The following CYBB variants were observed in gnomAD, a reference collection of about 807,000 sequenced individuals.
CYBB encodes cytochrome b-245 beta chain.
In CYBB, 5 loss-of-function variants were observed where a neutral mutation model predicts 46.5. The ratio of observed to expected loss-of-function variants is 0.11; its 90% CI spans 0.06 to 0.23. The LOEUF is 0.23. Ranked by LOEUF, CYBB falls within the 10% of genes least tolerant of loss-of-function variation. The pLI is 1.00. For synonymous variants in CYBB, 183 were observed against 156.7 expected (o/e 1.17, Z -1.26); for missense variants, 307 against 428.3 (o/e 0.72, Z 2.50).
At chrX:37,786,745 C>T (rs1343506919) in intron 3 of CYBB, among the ~76,000 whole-genome samples, 1 of 111,186 alleles carries the variant, frequency 9.0e-6, no homozygotes, top group African/African-American at 3.3e-5. Context: ...TAATTTCTGT[C>T]TGGATGGCAG....
At chrX:37,786,642 C>A (rs1929072498) in intron 3 of CYBB, among the ~76,000 whole-genome samples, 1 of 111,306 alleles carries the variant, frequency 9.0e-6, no homozygotes, top group African/African-American at 3.3e-5. Flanking sequence ...GGCTCTCAGA[C>A]TGCTTTGTTG....
rs35080474 is a variant in CYBB at position 37,796,121 on chromosome X, C to A, written c.654C>A (p.Gly218=). The A allele has an allele frequency of 5.5e-4, 660 of 1,206,526 alleles. 1 individual carries two copies. The African/African-American group carries it at 0.011, about 19-fold the overall frequency. The change falls in exon 6 of 13, where the codon GGC becomes GGA. Residue 218 remains glycine (G), a synonymous_variant. Transcript: ENST00000378588. ...ATCTCTTTGTGATCTTCTTCATTGG[C>A]CTTGCCATCCATGGAGCTGAGTGAG... ...THHLFVIFFI[G]LAIHGAERIV...
chrX:37,785,803 G>A (rs999645311), intron 3 of CYBB, among the ~76,000 whole-genome samples: 1 of 111,776 alleles, frequency 8.9e-6, no homozygotes, highest in African/African-American at 3.3e-5. Flanking sequence ...TGAGAAACAG[G>A]CAATGTTTTC....
At chrX:37,783,092 G>A (rs1928988333) in intron 2 of CYBB, among the ~76,000 whole-genome samples, 1 of 111,431 alleles carries the variant, frequency 9.0e-6, no homozygotes, top group African/African-American at 3.3e-5. Flanking sequence ...TAAAGAGAAA[G>A]TGAACTGTTG....
intron 12 of CYBB, among the ~76,000 whole-genome samples, chrX:37,810,311 G>C (rs782341097): frequency 8.9e-6 from 1 of 111,952 alleles, no homozygotes; most frequent in South Asian, 3.7e-4. Context: ...GAAGATTTGA[G>C]GTAGGGCCAG....
chrX:37,804,357 C>T (rs1202833178), intron 9 of CYBB, among the ~76,000 whole-genome samples: 22 of 111,696 alleles, frequency 2.0e-4, no homozygotes, highest in African/African-American at 7.2e-4. Flanking sequence ...GAAATAAATA[C>T]TCCCAAATTC....
At position 37,804,083 on chromosome X, in the gene CYBB, T is replaced by C; in HGVS notation, c.1104T>C (p.Ala368=). ...ACTGGACAGAGGGGCTGTTCAATGCTTGTGGCTGTGATAAGCAGGAGTTTC... is the reference window on the plus strand; with the variant it reads ...ACTGGACAGAGGGGCTGTTCAATGCCTGTGGCTGTGATAAGCAGGAGTTTC... ...VGDWTEGLFN[A]CGCDKQEFQD... Residue 368 remains alanine (A), a synonymous_variant, in exon 9 of 13, where the codon GCT becomes GCC. Transcript: ENST00000378588. The C allele has an allele frequency of 8.3e-7, 1 of 1,211,030 alleles. No individual in the cohort carries two copies. Among genetic ancestry groups the C allele is most frequent in the Non-Finnish European group, 1.1e-6 (1 of 895,055 alleles).
intron 1 of CYBB, among the ~76,000 whole-genome samples, chrX:37,781,095 G>A (rs1014258925): frequency 3.6e-5 from 4 of 112,167 alleles, no homozygotes; most frequent in Admixed American, 9.4e-5. Flanking sequence ...AAATGTTTAC[G>A]CCAAACCAAC....
intron 11 of CYBB, among the ~76,000 whole-genome samples, chrX:37,807,293 T>C (rs1283991098): frequency 2.7e-5 from 3 of 109,924 alleles, no homozygotes; most frequent in African/African-American, 9.9e-5. Context: ...ATAACATACA[T>C]AAGCATATAA....
In CYBB at chrX:37,811,235, T is replaced by A. The variant is rs1418690953; in HGVS notation, c.*318T>A. On this transcript the variant is annotated 3_prime_UTR_variant, in exon 13 of 13. Transcript: ENST00000378588. ...GGATCAAAAGGTTCAGTAACTTCCC[T>A]AAGATTATGAAACTGTGACCAGATC... is the stretch of plus-strand genomic sequence containing the variant. The A allele has an allele frequency of 4.1e-6, 1 of 246,339 alleles. No homozygotes were observed. Among genetic ancestry groups the A allele is most frequent in the Non-Finnish European group, 7.4e-6 (1 of 134,769 alleles). The allele number at this position is 246,339 out of a possible 1,213,427, so 20.3% of individuals were successfully genotyped here. A position where few individuals can be genotyped will look rare whatever the true frequency, so the allele number is the denominator to read the frequency against.
intron 7 of CYBB, among the ~76,000 whole-genome samples, chrX:37,800,598 C>G (rs1929416263): frequency 9.0e-6 from 1 of 111,378 alleles, no homozygotes; most frequent in South Asian, 3.7e-4. Context: ...GGCTGAGTTT[C>G]AGGATGGATC....
rs1031833103 is a variant in CYBB, at chrX:37,805,144, C to A, written c.1290C>A (p.Asn430Lys). 8.3e-7 allele frequency: 1 copy of A among 1,211,015 alleles called. No individual in the cohort carries two copies. The highest frequency in any genetic ancestry group is 1.1e-6 in the Non-Finnish European group (1 of 895,057). Residue 430 changes from asparagine to lysine, a missense_variant, in exon 10 of 13, where the codon AAC becomes AAA. By Grantham distance (94) the Asn-to-Lys change is moderately conservative. Around this residue, in one of 3 missense-constraint regions of CYBB, gnomAD observed 122 missense variants for 208.3 expected, o/e 0.59. Transcript: ENST00000378588. ...LKSVWYKYCN[N>K]ATNLKLKKIY... ...CAGTCTGGTACAAATATTGCAATAA[C>A]GCCACCAATCTGAAGCTCAAAAAGG...
chrX:37,803,814 G>A, intron 8 of CYBB, 63 bp from the exon 9 acceptor site: 1 of 1,155,577 alleles, frequency 8.7e-7, no homozygotes, highest in South Asian at 1.8e-5. Context: ...TTATCCATAT[G>A]GACACTAAAA....
chrX:37,780,166 G>A (rs369598277), intron 1 of CYBB, 44 bp downstream of exon 1: 36 of 1,095,502 alleles, frequency 3.3e-5, no homozygotes, highest in African/African-American at 9.1e-5. Flanking sequence ...CTGACTTCTC[G>A]GGGTTATCTT....
chrX:37,797,381 T>A (rs1407519577), intron 6 of CYBB, among the ~76,000 whole-genome samples: 1 of 111,794 alleles, frequency 8.9e-6, no homozygotes, highest in Non-Finnish European at 1.9e-5. Context: ...ACTTTCTGTT[T>A]GTATGGTTTC....
At chrX:37,790,990 A>C (rs1556466816) in intron 3 of CYBB, among the ~76,000 whole-genome samples, 2 of 111,644 alleles carry the variant, frequency 1.8e-5, no homozygotes, top group Non-Finnish European at 3.8e-5. Context: ...TTCTTTGAGC[A>C]TTGGCACGAA....
In CYBB at chrX:37,811,557, G is replaced by C. The variant is rs1422755035; in HGVS notation, c.*640G>C. On this transcript the variant is annotated 3_prime_UTR_variant, in exon 13 of 13. Coordinates refer to ENST00000378588, the MANE Select transcript of CYBB (RefSeq NM_000397.4). ...TGGGCCAGATGTTCTTTCTACAGAA[G>C]AATATTGGATTGATTGGAGTTAATG... is the stretch of plus-strand genomic sequence containing the variant. The C allele has an allele frequency of 8.8e-6, 1 of 114,078 alleles. No individual in the cohort carries two copies. Among genetic ancestry groups the C allele is most frequent in the East Asian group, 2.7e-4 (1 of 3,720 alleles). 9.4% of individuals were successfully genotyped at this position (114,078 alleles called of 1,213,427 possible).
rs1296767401 is a variant in CYBB at position 37,802,773 on chromosome X, G to T, written c.898-1104G>T. Among the ~76,000 whole-genome samples, 3 of 111,646 alleles carry T rather than the reference G, an allele frequency of 2.7e-5. No individual in the cohort carries two copies. In the Admixed American group the frequency reaches 2.8e-4, roughly 11 times the overall value. On this transcript the variant is annotated intron_variant, in intron 8 of 12. Coordinates refer to ENST00000378588, the MANE Select transcript of CYBB (RefSeq NM_000397.4). ...TTCCACAACTCCCTGTTCGAGAAAAGCCCAGCAATATCAGTTAACATTAGG... is the reference window on the plus strand; with the variant it reads ...TTCCACAACTCCCTGTTCGAGAAAATCCCAGCAATATCAGTTAACATTAGG...
intron 4 of CYBB, 78 bp from the exon 5 acceptor site, chrX:37,793,587 G>A (rs191076828): frequency 9.3e-7 from 1 of 1,074,054 alleles, no homozygotes. Context: ...AGAGTCAGAG[G>A]CTGTCCCAGA....
Sources: allele counts gnomAD v4.1 joint callset (sites outside exome capture counted in the v4.1 genomes callset), GRCh38; gene constraint gnomAD v4.1.1; regional missense constraint gnomAD v4.1.1; transcripts MANE v1.5; gene names NCBI Gene and HGNC (gene_info 2026-07-23, HGNC 2026-07-21).